ACAD11: variants seen among roughly 807,000 people sequenced by gnomAD.
ACAD11 encodes acyl-CoA dehydrogenase family member 11.
Under a neutral mutation model 102.2 loss-of-function variants are expected in ACAD11, and 83 were observed. The observed-to-expected ratio is 0.81, with a 90% CI of 0.68 to 0.97. ACAD11 has a LOEUF of 0.97. Among genes scored for constraint, ACAD11 ranks in the 50% least tolerant of loss-of-function variants. The pLI is 0.00. For missense variants in ACAD11, 901 were observed against 951.7 expected, an observed-to-expected ratio of 0.95 and a Z score of 0.70; for synonymous variants, 324 against 319.8, an observed-to-expected ratio of 1.01 and a Z score of -0.14.
chr3:132,626,591 C>T (rs1394940662), intron 9 of ACAD11, 100 bp downstream of exon 9: 1 of 1,393,898 alleles, frequency 7.2e-7, no homozygotes, highest in Non-Finnish European at 9.9e-7. Context: ...TAAGGATTGA[C>T]TAAAGAAAAT....
In ACAD11 at chr3:132,636,461, C is replaced by CATACA. The variant is rs143126600; in HGVS notation, c.702+3026_702+3030dup. 3.7e-3 allele frequency among the ~76,000 whole-genome samples: 564 copies of CATACA among 152,128 alleles called. 2 individuals are homozygous for CATACA. Among genetic ancestry groups the CATACA allele is most frequent in the African/African-American group, 0.013 (537 of 41,528 alleles). On this transcript the variant is annotated intron_variant, in intron 5 of 19. Transcript: ENST00000264990. ...TGGCATTCGAAACAAACAAAAAATA[C>CATACA]ATACAATCCAACAGAACAAACAGTA...
In ACAD11 at chr3:132,559,994, GT is replaced by G. The variant is rs751775608; in HGVS notation, c.2119-53del. On this transcript the variant is annotated intron_variant, in intron 18 of 19. Transcript: ENST00000264990. ...GCTTCTTTCTTAGACTATACACAAT[GT>G]GGCAAAACTGGGAAATGAAACAAGG... The G allele has an allele frequency of 1.2e-5, 17 of 1,400,086 alleles. No individual in the cohort carries two copies. In the South Asian group the frequency reaches 2.1e-4, roughly 17 times the overall value. The allele number at this position is 1,400,086 out of a possible 1,614,324, so 86.7% of individuals were successfully genotyped here. A position where few individuals can be genotyped will look rare whatever the true frequency, so the allele number is the denominator to read the frequency against.
Position 132,559,948 on chromosome 3 carries a change from T to C in ACAD11, c.2119-6A>G, listed in dbSNP as rs1358874204. ...GCCACTTTGATCATTGCAATCTATA[T>C]AAGCAAAATATGAAAAGAATGCTTC... is the stretch of plus-strand genomic sequence containing the variant. On this transcript the variant is annotated splice_region_variant and splice_polypyrimidine_tract_variant and intron_variant, in intron 18 of 19. Coordinates refer to ENST00000264990, the MANE Select transcript of ACAD11 (RefSeq NM_032169.5). 1 of 1,603,668 alleles carries C rather than the reference T, an allele frequency of 6.2e-7. No individual in the cohort carries two copies. Among genetic ancestry groups the C allele is most frequent in the Non-Finnish European group, 8.5e-7 (1 of 1,172,170 alleles).
chr3:132,622,248 GC>G (rs1939636973), intron 9 of ACAD11, among the ~76,000 whole-genome samples: 1 of 152,064 alleles, frequency 6.6e-6, no homozygotes, highest in Non-Finnish European at 1.5e-5. Flanking sequence ...TTGAAGCATG[GC>G]TAGTCTAGAG....
intron 17 of ACAD11, among the ~76,000 whole-genome samples, chr3:132,567,807 G>T (rs1937258430): frequency 6.6e-6 from 1 of 152,094 alleles, no homozygotes; most frequent in African/African-American, 2.4e-5. Context: ...CAGAGAACAA[G>T]ATAAGAATGT....
intron 5 of ACAD11, among the ~76,000 whole-genome samples, chr3:132,638,370 A>T (rs185704332): frequency 3.3e-4 from 50 of 152,296 alleles, no homozygotes; most frequent in African/African-American, 1.2e-3. Flanking sequence ...GACTCTAATT[A>T]TTTCAAAACA....
At chr3:132,594,521 A>G (rs558766750) in intron 13 of ACAD11, among the ~76,000 whole-genome samples, 2 of 152,360 alleles carry the variant, frequency 1.3e-5, no homozygotes, top group South Asian at 4.2e-4. Flanking sequence ...TTAAGCTGGT[A>G]CCATGAGTAA....
chr3:132,635,054 T>TA lies in ACAD11; in HGVS notation c.703-3576dup, dbSNP rs371366128. The stretch of plus-strand genomic sequence containing the variant: ...ATGTACCCTAGAACTTAAAGTACAA[T>TA]AAAAAATAAATATATATAAAATAAA... On this transcript the variant is annotated intron_variant, in intron 5 of 19. Coordinates refer to ENST00000264990, the MANE Select transcript of ACAD11 (RefSeq NM_032169.5). Among the ~76,000 whole-genome samples the TA allele has an allele frequency of 9.7e-3, 1,423 of 147,044 alleles. 23 individuals carry two copies. The highest frequency in any genetic ancestry group is 0.034 in the African/African-American group (1,342 of 40,044).
At chr3:132,635,330 A>C (rs1463355417) in intron 5 of ACAD11, among the ~76,000 whole-genome samples, 2 of 152,102 alleles carry the variant, frequency 1.3e-5, no homozygotes, top group African/African-American at 4.8e-5. Context: ...GCAGTGAGGC[A>C]GCTGCAGCAA....
chr3:132,644,920 AGGTC>A, intron 1 of ACAD11, 24 bp from the exon 2 acceptor site: 26 of 1,326,480 alleles, frequency 2.0e-5, no homozygotes, highest in Non-Finnish European at 2.6e-5. Flanking sequence ...AAAAAAAAAA[AGGTC>A]AATTACAAAG....
At chr3:132,570,919 A>G (rs1292155493) in intron 17 of ACAD11, among the ~76,000 whole-genome samples, 1 of 152,188 alleles carries the variant, frequency 6.6e-6, no homozygotes, top group Non-Finnish European at 1.5e-5. Context: ...ATTGATGAGC[A>G]TTTAGGTTGA....
chr3:132,578,342 C>G (rs1937551717), intron 15 of ACAD11, among the ~76,000 whole-genome samples: 3 of 152,268 alleles, frequency 2.0e-5, no homozygotes, highest in Non-Finnish European at 4.4e-5. Context: ...AAGTCCCACC[C>G]AAGGGCAGAG....
intron 4 of ACAD11, among the ~76,000 whole-genome samples, chr3:132,641,266 G>A (rs1035699967): frequency 5.3e-5 from 8 of 152,196 alleles, no homozygotes; most frequent in East Asian, 1.9e-4. Flanking sequence ...ACTGTAAGCC[G>A]GGCATGGTGG....
At chr3:132,623,334 TATA>T (rs1939676232) in intron 9 of ACAD11, among the ~76,000 whole-genome samples, 2 of 152,208 alleles carry the variant, frequency 1.3e-5, no homozygotes, top group Admixed American at 6.5e-5. Flanking sequence ...TAAGCTTAGT[TATA>T]ATAATGTTGG....
chr3:132,629,731 T>A (rs1010935265), intron 7 of ACAD11, among the ~76,000 whole-genome samples: 3 of 152,160 alleles, frequency 2.0e-5, no homozygotes, highest in Non-Finnish European at 2.9e-5. Context: ...CTTTTCCCAT[T>A]ATTTTTCACT....
chr3:132,559,719 T>C (rs977353018), intron 19 of ACAD11, 114 bp downstream of exon 19: 34 of 773,760 alleles, frequency 4.4e-5, no homozygotes, highest in Middle Eastern at 3.0e-4. Flanking sequence ...TATCACTTCA[T>C]TTAGCCTTCA....
chr3:132,618,740 C>A lies in ACAD11; in HGVS notation c.1308G>T (p.Leu436Phe), dbSNP rs1193160248. 1 of 1,599,774 alleles carries A rather than the reference C, an allele frequency of 6.3e-7. No individual in the cohort carries two copies. The highest frequency in any genetic ancestry group is 8.5e-7 in the Non-Finnish European group (1 of 1,174,402). Reference sequence around the variant, plus strand: ...TGAGTCCGCTGACAGCTGGCAAAAACAAGTTCCAGAGACCCTCGACTTTGG... The same window carrying A: ...TGAGTCCGCTGACAGCTGGCAAAAAAAAGTTCCAGAGACCCTCGACTTTGG... ...EMAKVEGLWNLFLPAVSGLSH... is the reference protein window; with the variant it reads ...EMAKVEGLWNFFLPAVSGLSH... The change falls in exon 11 of 20, where the codon TTG becomes TTT. Residue 436 changes from leucine to phenylalanine, a missense_variant. By Grantham distance (22) the Leu-to-Phe change is conservative. Transcript: ENST00000264990.
chr3:132,603,543 T>C (rs999222737), intron 12 of ACAD11, among the ~76,000 whole-genome samples: 2 of 152,208 alleles, frequency 1.3e-5, no homozygotes, highest in African/African-American at 4.8e-5. Context: ...ACATTGGGGA[T>C]CAGTATTTTG....
At chr3:132,601,842 G>A (rs1938618650) in intron 13 of ACAD11, 1 of 309,068 alleles carries the variant, frequency 3.2e-6, no homozygotes, top group African/African-American at 2.2e-5. Flanking sequence ...TGACATTATA[G>A]TATAATTATG....
Sources: allele counts gnomAD v4.1 joint callset (sites outside exome capture counted in the v4.1 genomes callset), GRCh38; gene constraint gnomAD v4.1.1; transcripts MANE v1.5; gene names NCBI Gene and HGNC (gene_info 2026-07-23, HGNC 2026-07-21).